Variants in TSPAN7 observed in about 807,000 individuals in gnomAD.
The protein encoded by TSPAN7 is tetraspanin-7.
In TSPAN7, 1 loss-of-function variant was observed where a neutral mutation model predicts 17.6. That is an observed-to-expected ratio of 0.06 (90% CI 0.02 to 0.27). The LOEUF (loss-of-function observed/expected upper bound fraction) is 0.27, where lower values mean the gene tolerates loss of function less well. TSPAN7 is among the 10% of genes least tolerant of loss of function. The pLI is 1.00. For synonymous variants in TSPAN7, 78 were observed against 79.0 expected (o/e 0.99, Z 0.07); for missense variants, 112 against 201.7 (o/e 0.56, Z 2.69).
intron 1 of TSPAN7, chrX:38,612,741 A>T (rs900348570): frequency 6.2e-5 from 7 of 112,041 alleles, no homozygotes; most frequent in African/African-American, 2.3e-4. Flanking sequence ...TGGGAGTAGA[A>T]TTCAAAGCTC....
intron 1 of TSPAN7, among the ~76,000 whole-genome samples, chrX:38,662,542 G>A (rs746780795): frequency 9.0e-6 from 1 of 111,479 alleles, no homozygotes; most frequent in South Asian, 3.8e-4. Flanking sequence ...ATACTGCAGA[G>A]TGACTTTGAG....
At chrX:38,597,469 A>C (rs948150031) in intron 1 of TSPAN7, among the ~76,000 whole-genome samples, 1 of 111,283 alleles carries the variant, frequency 9.0e-6, no homozygotes, top group Admixed American at 9.6e-5. Context: ...TTACAGAGAA[A>C]ATTTGTGTAT....
chrX:38,664,810 C>T (rs1243942972), intron 1 of TSPAN7, among the ~76,000 whole-genome samples: 2 of 111,853 alleles, frequency 1.8e-5, no homozygotes, highest in Non-Finnish European at 3.8e-5. Flanking sequence ...TTTTTACTGA[C>T]CTCTCCCCCC....
At chrX:38,687,448 G>T (rs2069933007) in intron 6 of TSPAN7, 151 bp from the exon 7 acceptor site, 1 of 448,877 alleles carries the variant, frequency 2.2e-6, no homozygotes, top group Admixed American at 3.5e-5. Context: ...TTTACATACA[G>T]AAACACTTGG....
At chrX:38,683,198 G>C (rs1305258704) in intron 6 of TSPAN7, among the ~76,000 whole-genome samples, 1 of 112,096 alleles carries the variant, frequency 8.9e-6, no homozygotes, top group African/African-American at 3.2e-5. Flanking sequence ...GTGGTATTAA[G>C]AGGATCCTAT....
At position 38,613,985 on chromosome X, in the gene TSPAN7, CT is replaced by C. The variant is rs369995281; in HGVS notation, c.82-52125del. ...TGCTGGTTTGAGGTTTTTTTTTTTTCTTTTTTTTTTTCATCTTTTTCCCTTG... is the reference window on the plus strand; with the variant it reads ...TGCTGGTTTGAGGTTTTTTTTTTTTCTTTTTTTTTTCATCTTTTTCCCTTG... On this transcript the variant is annotated intron_variant, in intron 1 of 7. Coordinates refer to ENST00000378482, the MANE Select transcript of TSPAN7 (RefSeq NM_004615.4). Among the ~76,000 whole-genome samples the C allele has an allele frequency of 7.1e-3, 684 of 96,316 alleles. 8 individuals are homozygous for C. The highest frequency in any genetic ancestry group is 0.023 in the African/African-American group (618 of 27,190). The allele number at this position is 96,316 out of a possible 115,157, so 83.6% of individuals were successfully genotyped here.
chrX:38,615,057 T>C (rs1353919595), intron 1 of TSPAN7, among the ~76,000 whole-genome samples: 1 of 111,476 alleles, frequency 9.0e-6, no homozygotes, highest in Non-Finnish European at 1.9e-5. Context: ...CAAAAACTGT[T>C]TGTTTTCAGC....
intron 1 of TSPAN7, among the ~76,000 whole-genome samples, chrX:38,562,578 G>A (rs2069118842): frequency 9.4e-6 from 1 of 105,957 alleles, no homozygotes; most frequent in Non-Finnish European, 2.0e-5. Context: ...AGGAGGGGGA[G>A]GAGGAGGAGG....
intron 2 of TSPAN7, among the ~76,000 whole-genome samples, chrX:38,669,409 A>AATGT (rs1418970398): frequency 8.9e-6 from 1 of 111,768 alleles, no homozygotes; most frequent in Non-Finnish European, 1.9e-5. Context: ...TCACACAGCT[A>AATGT]ATGTATGGAA....
intron 1 of TSPAN7, among the ~76,000 whole-genome samples, chrX:38,613,821 T>C (rs2069435670): frequency 1.8e-5 from 2 of 111,070 alleles, no homozygotes; most frequent in Non-Finnish European, 3.8e-5. Flanking sequence ...CTGGGGAAAG[T>C]GCAGTCCCTC....
chrX:38,683,857 A>G (rs1007565199), intron 6 of TSPAN7, among the ~76,000 whole-genome samples: 1 of 113,193 alleles, frequency 8.8e-6, no homozygotes, highest in Non-Finnish European at 1.9e-5. Flanking sequence ...ATGTGTTCAG[A>G]AATTTTAGAG....
chrX:38,581,225 TC>T (rs750054419), intron 1 of TSPAN7, among the ~76,000 whole-genome samples: 28 of 112,611 alleles, frequency 2.5e-4, no homozygotes, highest in Admixed American at 1.6e-3. Context: ...TCATTCACTT[TC>T]AAAGGTTTGA....
At position 38,593,087 on chromosome X, in the gene TSPAN7, AT is replaced by A. The variant is rs1186341809; in HGVS notation, c.81+31467del. On this transcript the variant is annotated intron_variant, in intron 1 of 7. Transcript: ENST00000378482. ...TGTATTTTAAAGATGTTTCTCCTAG[AT>A]TTTTTTGCTTATATTGTTTCTAATG... Among the ~76,000 whole-genome samples, 133 of 110,008 alleles carry A rather than the reference AT, an allele frequency of 1.2e-3. 1 individual carries two copies. Among genetic ancestry groups the A allele is most frequent in the Non-Finnish European group, 1.9e-3 (101 of 52,559 alleles).
At chrX:38,684,747 C>A (rs748585221) in intron 6 of TSPAN7, among the ~76,000 whole-genome samples, 2 of 110,749 alleles carry the variant, frequency 1.8e-5, no homozygotes, top group Non-Finnish European at 3.8e-5. Flanking sequence ...CCCCATATCA[C>A]GTAATATTAT....
chrX:38,577,586 C>T (rs1037730363), intron 1 of TSPAN7, among the ~76,000 whole-genome samples: 1 of 100,438 alleles, frequency 1.0e-5, no homozygotes, highest in Non-Finnish European at 2.0e-5. Context: ...ACACCGCATG[C>T]TCTCACTCAT....
chrX:38,618,056 T>C (rs890376136), intron 1 of TSPAN7, among the ~76,000 whole-genome samples: 2 of 111,342 alleles, frequency 1.8e-5, no homozygotes, highest in African/African-American at 6.5e-5. Context: ...GCAGTGAACA[T>C]CAGGAAGGTG....
chrX:38,629,250 C>T (rs965196202), intron 1 of TSPAN7, among the ~76,000 whole-genome samples: 1 of 112,304 alleles, frequency 8.9e-6, no homozygotes, highest in African/African-American at 3.2e-5. Context: ...ATCACACAGA[C>T]CTGTAGCATT....
Position 38,688,616 on chromosome X carries a change from C to A in TSPAN7, c.*685C>A, listed in dbSNP as rs1262557365. On this transcript the variant is annotated 3_prime_UTR_variant, in exon 8 of 8. Coordinates refer to ENST00000378482, the MANE Select transcript of TSPAN7 (RefSeq NM_004615.4). ...GTGCATCTTTGCCTCTCGGTTGAAA[C>A]CTGTATAACCCTGTTACAAAGCTGT... is the stretch of plus-strand genomic sequence containing the variant. 8.9e-6 allele frequency: 1 copy of A among 112,178 alleles called. No homozygotes were observed. The highest frequency in any genetic ancestry group is 3.2e-5 in the African/African-American group (1 of 30,778). 9.2% of individuals were successfully genotyped at this position (112,178 alleles called of 1,213,427 possible). A position where few individuals can be genotyped will look rare whatever the true frequency, so the allele number is the denominator to read the frequency against.
At chrX:38,670,666 CAA>C (rs976214403) in intron 2 of TSPAN7, among the ~76,000 whole-genome samples, 1 of 112,392 alleles carries the variant, frequency 8.9e-6, no homozygotes, top group African/African-American at 3.2e-5. Context: ...GGGAGGGATA[CAA>C]TTCCAAATGA....
Sources: gnomAD v4.1 joint callset for allele counts (sites outside exome capture counted in the v4.1 genomes callset) on GRCh38, gnomAD v4.1.1 for gene constraint, MANE v1.5 for transcripts, NCBI Gene and HGNC (gene_info 2026-07-23, HGNC 2026-07-21) for gene names.